XKR9: variants seen among roughly 807,000 people sequenced by gnomAD.
XKR9 encodes the protein XK related 9.
XKR9 carries 32 observed loss-of-function variants against 32.0 expected under a neutral mutation model. The observed-to-expected ratio is 1.00, with a 90% CI of 0.76 to 1.34. The LOEUF is 1.34. Among genes scored for constraint, XKR9 ranks in the 40% most tolerant of loss-of-function variants. XKR9 has a pLI of 0.00. For synonymous variants in XKR9, 168 were observed against 143.4 expected (o/e 1.17, Z -1.22); for missense variants, 546 against 429.7 (o/e 1.27, Z -2.39).
At chr8:70,903,908 T>G in the XKR9 span, among the ~76,000 whole-genome samples, 2 of 152,236 alleles carry the variant, frequency 1.3e-5, no homozygotes, top group Admixed American at 1.3e-4. Context: ...CCAGTAGTCC[T>G]TCAGTAGCAG....
chr8:70,795,743 GT>G, the XKR9 span, among the ~76,000 whole-genome samples: 65 of 151,186 alleles, frequency 4.3e-4, no homozygotes, highest in East Asian at 8.3e-3. Flanking sequence ...CTGATGTTGA[GT>G]TTTTTTTTCA....
the XKR9 span, among the ~76,000 whole-genome samples, chr8:71,060,114 TCATTCGCTC>T: frequency 6.6e-6 from 1 of 152,210 alleles, no homozygotes; most frequent in African/African-American, 2.4e-5. Context: ...AGTGTTTAAA[TCATTCGCTC>T]CATGACTAGT....
At chr8:70,690,630 T>C (rs1434110252) in intron 3 of XKR9, among the ~76,000 whole-genome samples, 1 of 152,034 alleles carries the variant, frequency 6.6e-6, no homozygotes, top group Non-Finnish European at 1.5e-5. Context: ...ATTACAGGCG[T>C]GAGCCACCGT....
the XKR9 span, among the ~76,000 whole-genome samples, chr8:71,039,213 A>G: frequency 6.6e-6 from 1 of 152,150 alleles, no homozygotes; most frequent in Non-Finnish European, 1.5e-5. Context: ...TTATTTTACT[A>G]TTTATACAAA....
the XKR9 span, among the ~76,000 whole-genome samples, chr8:70,925,313 A>G: frequency 1.3e-5 from 2 of 152,186 alleles, no homozygotes; most frequent in East Asian, 3.9e-4. Context: ...TCCTATAAAT[A>G]TGTGTTGAAT....
the XKR9 span, among the ~76,000 whole-genome samples, chr8:70,969,936 GTTTCATC>G: frequency 6.6e-6 from 1 of 152,028 alleles, no homozygotes; most frequent in Non-Finnish European, 1.5e-5. Flanking sequence ...AAAGTCCATT[GTTTCATC>G]TTTATGCCTG....
At chr8:70,795,880 T>C in the XKR9 span, among the ~76,000 whole-genome samples, 2 of 152,174 alleles carry the variant, frequency 1.3e-5, no homozygotes, top group African/African-American at 4.8e-5. Flanking sequence ...AGATGCTGGA[T>C]GCATAATTTG....
the XKR9 span, among the ~76,000 whole-genome samples, chr8:70,844,683 G>A: frequency 1.1e-4 from 16 of 152,192 alleles, no homozygotes; most frequent in East Asian, 1.9e-4. Flanking sequence ...GTTCACCACC[G>A]TCATCTGTGT....
chr8:70,810,406 C>G, the XKR9 span, among the ~76,000 whole-genome samples: 444 of 152,304 alleles, frequency 2.9e-3, 6 homozygotes, highest in African/African-American at 1.0e-2. Flanking sequence ...AACCAGCTAA[C>G]ATCATAATGA....
At chr8:70,899,727 T>A in the XKR9 span, among the ~76,000 whole-genome samples, 55 of 152,178 alleles carry the variant, frequency 3.6e-4, no homozygotes, top group Non-Finnish European at 1.2e-4. Flanking sequence ...ACTGATTTTT[T>A]AAAATTTAAT....
chr8:70,686,412 AAT>A (rs71264517), intron 3 of XKR9, among the ~76,000 whole-genome samples: 33,369 of 146,986 alleles, frequency 0.23, 4,561 homozygotes, highest in Admixed American at 0.38. Context: ...CGAGATAGCT[AAT>A]ATATATATAT....
chr8:70,814,709 T>A, the XKR9 span, among the ~76,000 whole-genome samples: 1 of 152,212 alleles, frequency 6.6e-6, no homozygotes, highest in East Asian at 1.9e-4. Context: ...TTTTCACCAC[T>A]GTTGTTCAAC....
At chr8:70,992,359 A>T in the XKR9 span, among the ~76,000 whole-genome samples, 1 of 152,124 alleles carries the variant, frequency 6.6e-6, no homozygotes, top group Non-Finnish European at 1.5e-5. Context: ...CCTCTACTAG[A>T]TACTCAGAAA....
intron 2 of XKR9, among the ~76,000 whole-genome samples, chr8:70,771,956 C>G (rs1218395373): frequency 1.3e-5 from 2 of 152,076 alleles, no homozygotes; most frequent in Non-Finnish European, 2.9e-5. Flanking sequence ...GGAAAATTTT[C>G]TACATGAGAT....
the XKR9 span, among the ~76,000 whole-genome samples, chr8:70,810,214 A>G: frequency 6.6e-6 from 1 of 152,218 alleles, no homozygotes; most frequent in African/African-American, 2.4e-5. Context: ...AAGGAGAAAT[A>G]AAATACTTTA....
the XKR9 span, among the ~76,000 whole-genome samples, chr8:70,973,211 A>C: frequency 5.9e-5 from 9 of 152,042 alleles, no homozygotes; most frequent in Admixed American, 5.9e-4. Flanking sequence ...ATATTTTCAC[A>C]AATTTATCTA....
At chr8:70,957,783 C>CTTTTTTTTTTT in the XKR9 span, among the ~76,000 whole-genome samples, 1 of 84,792 alleles carries the variant, frequency 1.2e-5, no homozygotes, top group Non-Finnish European at 2.3e-5. Context: ...TTCAGTCTAT[C>CTTTTTTTTTTT]TTTTTTTTTT....
intron 4 of XKR9, among the ~76,000 whole-genome samples, chr8:70,724,352 T>C (rs1458113974): frequency 6.6e-6 from 1 of 151,592 alleles, no homozygotes; most frequent in Non-Finnish European, 1.5e-5. Context: ...TGAGACCACT[T>C]GGCTCCCTGG....
chr8:70,794,028 T>G (rs1384466084), downstream of XKR9, among the ~76,000 whole-genome samples: 1 of 152,090 alleles, frequency 6.6e-6, no homozygotes, highest in Admixed American at 6.6e-5. Context: ...TTTAATTTCT[T>G]TCAATGAAGT....
Sources: allele counts gnomAD v4.1 joint callset (sites outside exome capture counted in the v4.1 genomes callset), GRCh38; gene constraint gnomAD v4.1.1; transcripts MANE v1.5; gene names NCBI Gene and HGNC (gene_info 2026-07-23, HGNC 2026-07-21).